PTK2: variants seen among roughly 807,000 people sequenced by gnomAD.
The protein encoded by PTK2 is protein tyrosine kinase 2, also known as focal adhesion kinase 1.
A neutral mutation model predicts 150.1 loss-of-function variants in PTK2; 45 were observed. The ratio of observed to expected loss-of-function variants is 0.30; its 90% confidence interval spans 0.24 to 0.38. The LOEUF is 0.38. PTK2 is among the 10% of genes least tolerant of loss of function. PTK2 has a pLI of 1.00. For missense variants in PTK2, 919 were observed against 1,307.3 expected (o/e 0.70, Z 4.58); for synonymous variants, 432 against 449.2 (o/e 0.96, Z 0.48).
At chr8:140,743,581 T>C (rs1452143783) in intron 19 of PTK2, among the ~76,000 whole-genome samples, 1 of 152,126 alleles carries the variant, frequency 6.6e-6, no homozygotes, top group Non-Finnish European at 1.5e-5. Context: ...GATGGCAAAG[T>C]ACATTCTAAA....
intron 29 of PTK2, chr8:140,672,135 A>G: frequency 2.2e-6 from 1 of 454,056 alleles, no homozygotes; most frequent in Non-Finnish European, 4.4e-6. Context: ...AATACAAGCC[A>G]TTTTGAAAGT....
intron 10 of PTK2, among the ~76,000 whole-genome samples, chr8:140,808,986 G>C (rs1255001954): frequency 6.6e-6 from 1 of 152,074 alleles, no homozygotes; most frequent in African/African-American, 2.4e-5. Flanking sequence ...ACCTGCCTCA[G>C]CCTTCCAAAG....
chr8:140,945,592 C>CA (rs145524972), intron 1 of PTK2, among the ~76,000 whole-genome samples: 63,570 of 149,668 alleles, frequency 0.42, 14,162 homozygotes, highest in South Asian at 0.55. Flanking sequence ...CTTTATTTCT[C>CA]AAAAAAAAAC....
chr8:140,726,807 A>T (rs2100046121), intron 22 of PTK2, among the ~76,000 whole-genome samples: 1 of 152,258 alleles, frequency 6.6e-6, no homozygotes, highest in Non-Finnish European at 1.5e-5. Context: ...GGAGCACTGT[A>T]CGAAGTTAAA....
chr8:140,987,595 A>G (rs1330781142), intron 1 of PTK2, among the ~76,000 whole-genome samples: 1 of 152,240 alleles, frequency 6.6e-6, no homozygotes, highest in Non-Finnish European at 1.5e-5. Context: ...TAAAACCACA[A>G]TGAAATTCCA....
chr8:141,000,279 T>C (rs1361801323), intron 1 of PTK2, among the ~76,000 whole-genome samples: 1 of 152,110 alleles, frequency 6.6e-6, no homozygotes, highest in African/African-American at 2.4e-5. Context: ...AGTGAGGACT[T>C]CAGTGAGGGC....
intron 5 of PTK2, among the ~76,000 whole-genome samples, chr8:140,855,691 G>A (rs1426414588): frequency 6.6e-6 from 1 of 152,048 alleles, no homozygotes; most frequent in African/African-American, 2.4e-5. Flanking sequence ...ACATGACAAA[G>A]GACTAGTATA....
intron 26 of PTK2, among the ~76,000 whole-genome samples, chr8:140,692,531 C>T (rs1360608754): frequency 1.3e-5 from 2 of 152,070 alleles, no homozygotes; most frequent in Non-Finnish European, 2.9e-5. Flanking sequence ...GCAGGAGAAT[C>T]GCTTAAACCC....
intron 1 of PTK2, among the ~76,000 whole-genome samples, chr8:140,955,052 AC>A (rs1473891241): frequency 6.6e-6 from 1 of 152,234 alleles, no homozygotes; most frequent in Non-Finnish European, 1.5e-5. Flanking sequence ...AACCATTAAA[AC>A]ATCAACAGGC....
chr8:141,001,873 C>T (rs544384986), upstream of PTK2: 1 of 152,326 alleles, frequency 6.6e-6, no homozygotes, highest in East Asian at 1.9e-4. Context: ...GGCATTATAG[C>T]TAAGTTGGGC....
intron 1 of PTK2, among the ~76,000 whole-genome samples, chr8:140,977,576 A>C (rs972924705): frequency 6.6e-6 from 1 of 151,238 alleles, no homozygotes; most frequent in Non-Finnish European, 1.5e-5. Flanking sequence ...GAGACGAGAC[A>C]GCACCACTCC....
intron 2 of PTK2, among the ~76,000 whole-genome samples, chr8:140,907,891 C>T (rs924827255): frequency 2.6e-5 from 4 of 151,568 alleles, no homozygotes; most frequent in African/African-American, 9.7e-5. Context: ...TATTCAGAGA[C>T]ACAATAATAC....
At chr8:140,799,982 G>C (rs575790418) in intron 12 of PTK2, among the ~76,000 whole-genome samples, 19 of 152,186 alleles carry the variant, frequency 1.2e-4, no homozygotes, top group South Asian at 1.2e-3. Context: ...GACGTTTCTA[G>C]GATATTTATT....
At chr8:140,660,118 C>A (rs1046984424) in intron 31 of PTK2, among the ~76,000 whole-genome samples, 1 of 152,172 alleles carries the variant, frequency 6.6e-6, no homozygotes, top group Admixed American at 6.5e-5. Context: ...TTGTTCCTTC[C>A]ATTCAAAGCC....
exon 30 of PTK2, chr8:140,668,366 T>G (rs2093594438): frequency 6.2e-7 from 1 of 1,613,880 alleles, no homozygotes. Context: ...CTCGTACACC[T>G]TATCATTCGA....
chr8:140,892,438 A>C (rs1277989035), intron 2 of PTK2, among the ~76,000 whole-genome samples: 2 of 152,078 alleles, frequency 1.3e-5, no homozygotes, highest in African/African-American at 4.8e-5. Context: ...TGGGAGGCTG[A>C]GGGGGGAGGA....
At chr8:140,675,786 C>T in intron 27 of PTK2, 2 of 277,490 alleles carry the variant, frequency 7.2e-6, no homozygotes, top group Non-Finnish European at 1.3e-5. Flanking sequence ...TCTTACACAG[C>T]TGAGGAGAAT....
chr8:140,781,951 G>C lies in PTK2; in HGVS notation c.1177+7523C>G, dbSNP rs555618607. ...AGGGAGGGCTATCGGAAAGAAGGCA[G>C]CACAGCTGGGCTATTTTGATTGTTC... On this transcript the variant is annotated intron_variant, in intron 14 of 31. Coordinates refer to ENST00000522684, the Ensembl canonical transcript of PTK2. Among the ~76,000 whole-genome samples, 23 of 152,310 alleles carry C rather than the reference G, an allele frequency of 1.5e-4. No individual in the cohort carries two copies. In the East Asian group the frequency reaches 3.9e-3, roughly 26 times the overall value.
chr8:140,794,427 G>A (rs1010798767), intron 12 of PTK2, among the ~76,000 whole-genome samples: 4 of 152,136 alleles, frequency 2.6e-5, no homozygotes, highest in Admixed American at 2.6e-4. Context: ...CACCACTCGT[G>A]TAGTCACACT....
Sources: allele counts gnomAD v4.1 joint callset (sites outside exome capture counted in the v4.1 genomes callset), GRCh38; gene constraint gnomAD v4.1.1; transcripts MANE v1.5; gene names NCBI Gene and HGNC (gene_info 2026-07-23, HGNC 2026-07-21).